Variants in MUC20 observed in about 807,000 individuals in gnomAD.
MUC20 encodes the protein mucin 20, cell surface associated.
A neutral mutation model predicts 23.8 loss-of-function variants in MUC20; 14 were observed. The ratio of observed to expected loss-of-function variants is 0.59; its 90% CI spans 0.39 to 0.92. The LOEUF (loss-of-function observed/expected upper bound fraction) is 0.92, where lower values mean the gene tolerates loss of function less well. MUC20 is among the 40% of genes least tolerant of loss of function. MUC20 has a pLI of 0.00. For synonymous variants in MUC20, 166 were observed against 279.3 expected (o/e 0.59, Z 4.04); for missense variants, 375 against 668.8 (o/e 0.56, Z 4.85).
In MUC20 at chr3:195,731,275, C is replaced by T. The variant is rs183675170; in HGVS notation, c.2061+1536C>T. 6.7e-4 allele frequency among the ~76,000 whole-genome samples: 102 copies of T among 152,376 alleles called. 1 individual carries two copies. The highest frequency in any genetic ancestry group is 2.6e-3 in the Admixed American group (40 of 15,310). On this transcript the variant is annotated intron_variant, in intron 3 of 3. Transcript: ENST00000447234. Reference sequence around the variant, plus strand: ...GGCTCAGGCTTCCTGTCATCCCTTGCAAGGGTAAACCTGGCAGAGATGCTG... The same window carrying T: ...GGCTCAGGCTTCCTGTCATCCCTTGTAAGGGTAAACCTGGCAGAGATGCTG...
At position 195,732,887 on chromosome 3, in the gene MUC20, A is replaced by G. The variant is rs1475549947; in HGVS notation, c.2062-263A>G. 2.0e-5 allele frequency among the ~76,000 whole-genome samples: 3 copies of G among 152,236 alleles called. No homozygotes were observed. In the East Asian group the frequency reaches 5.8e-4, roughly 29 times the overall value. On this transcript the variant is annotated intron_variant, in intron 3 of 3. Transcript: ENST00000447234. ...ATCTGGGTGTGAATTCTAGTTCCCA[A>G]CTGTGTGATCTTGGATAAGTTATTC...
rs976909606 is a variant in MUC20 at position 195,733,157 on chromosome 3, G to A, written c.2069G>A (p.Arg690Gln). 18 of 1,590,444 alleles carry A rather than the reference G, an allele frequency of 1.1e-5. No homozygotes were observed. The highest frequency in any genetic ancestry group is 6.7e-5 in the African/African-American group (5 of 74,584). Residue 690 changes from arginine to glutamine, a missense_variant, in exon 4 of 4, where the codon CGG becomes CAG. By Grantham distance (43) the Arg-to-Gln change is conservative. Around this residue, in one of 4 missense-constraint regions of MUC20, gnomAD observed 343 missense variants for 340.2 expected, o/e 1.01. Coordinates refer to ENST00000447234, the MANE Select transcript of MUC20 (RefSeq NM_001282506.2). The part of the protein sequence containing the change: ...VAERLMQQLH[R>Q]ELHAHAPHFQ... The stretch of plus-strand genomic sequence containing the variant: ...GGCTCTTTTGCTCTCCAGCTCCACC[G>A]GGAACTCCACGCCCACGCGCCTCAC...
Position 195,726,144 on chromosome 3 carries a change from G to A in MUC20, c.1541G>A (p.Gly514Glu). ...ACAGAAAGAGAAGTGACAGCACCCGGGGCCACGACCCTCAGTGGAGCTCTG... is the reference window on the plus strand; with the variant it reads ...ACAGAAAGAGAAGTGACAGCACCCGAGGCCACGACCCTCAGTGGAGCTCTG... ...SATEREVTAP[G>E]ATTLSGALVT... is the part of the protein sequence containing the mutation. The change falls in exon 2 of 4, where the codon GGG (glycine) becomes GAG (glutamate). Residue 514 changes from glycine (G) to glutamate (E), a missense_variant. Gly to Glu is a moderately conservative substitution (Grantham distance 98). Transcript: ENST00000447234. 6.2e-7 allele frequency: 1 copy of A among 1,608,510 alleles called. No individual in the cohort carries two copies. The highest frequency in any genetic ancestry group is 8.5e-7 in the Non-Finnish European group (1 of 1,175,870).
intron 2 of MUC20, 193 bp from the exon 3 acceptor site, chr3:195,729,455 T>A (rs1216763099): frequency 6.8e-6 from 4 of 591,422 alleles, no homozygotes; most frequent in Non-Finnish European, 1.2e-5. Context: ...TAGCTGGGAT[T>A]ACAGGCACGC....
At chr3:195,727,489 T>C (rs1328306208) in intron 2 of MUC20, among the ~76,000 whole-genome samples, 2 of 152,276 alleles carry the variant, frequency 1.3e-5, no homozygotes, top group East Asian at 3.8e-4. Context: ...GGCTGCTTGG[T>C]CAGTCCAGCT....
At chr3:195,728,051 G>A (rs1464953579) in intron 2 of MUC20, among the ~76,000 whole-genome samples, 12 of 152,260 alleles carry the variant, frequency 7.9e-5, no homozygotes, top group African/African-American at 2.4e-4. Context: ...TGGGTAACAC[G>A]ACCCCATCTG....
At chr3:195,731,130 G>A (rs1334467996) in intron 3 of MUC20, among the ~76,000 whole-genome samples, 1 of 152,256 alleles carries the variant, frequency 6.6e-6, no homozygotes, top group African/African-American at 2.4e-5. Flanking sequence ...CAGTGCCCTT[G>A]CTAATACCTG....
intron 2 of MUC20, among the ~76,000 whole-genome samples, chr3:195,726,862 C>G (rs1268307173): frequency 3.9e-5 from 6 of 152,280 alleles, no homozygotes; most frequent in African/African-American, 1.2e-4. Flanking sequence ...CTCTCTGGGC[C>G]TCAGTTTCTC....
chr3:195,729,748 G>A lies in MUC20; in HGVS notation c.2061+9G>A. The A allele has an allele frequency of 1.3e-6, 2 of 1,586,376 alleles. No homozygotes were observed. The highest frequency in any genetic ancestry group is 1.1e-5 in the South Asian group (1 of 86,986). On this transcript the variant is annotated intron_variant, in intron 3 of 3. Transcript: ENST00000447234. ...AAAGGCTGATGCAGCAGGTGAGTGG[G>A]CACTTTCCGGGCCAGGGGAGTAGAG...
rs774006768 is a variant in MUC20, at chr3:195,725,942, A to G, written c.1339A>G (p.Thr447Ala). 6.2e-7 allele frequency: 1 copy of G among 1,613,746 alleles called. No individual in the cohort carries two copies. The highest frequency in any genetic ancestry group is 8.5e-7 in the Non-Finnish European group (1 of 1,179,778). ...GGCCTCAGACACAGATCTCATCCCC[A>G]CGGAAGGGGTGAAGGCCTCGTCCAC... ...PGASDTDLIP[T>A]EGVKASSTSD... The change falls in exon 2 of 4, where the codon ACG (threonine) becomes GCG (alanine). Residue 447 changes from threonine to alanine, a missense_variant. Around this residue, in one of 4 missense-constraint regions of MUC20, gnomAD observed 343 missense variants for 340.2 expected, o/e 1.01. Transcript: ENST00000447234.
chr3:195,728,476 A>G (rs1332689371), intron 2 of MUC20, among the ~76,000 whole-genome samples: 1 of 152,288 alleles, frequency 6.6e-6, no homozygotes, highest in Admixed American at 6.5e-5. Flanking sequence ...AGAGTAAAGA[A>G]TAATAAAGCA....
chr3:195,722,114 T>G (rs1712186740), intron 1 of MUC20: 1 of 441,544 alleles, frequency 2.3e-6, no homozygotes, highest in African/African-American at 2.2e-5. Flanking sequence ...CCCACCAGAG[T>G]GGCACATTTG....
At chr3:195,733,058 C>G in intron 3 of MUC20, 92 bp from the exon 4 acceptor site, 1 of 1,377,294 alleles carries the variant, frequency 7.3e-7, no homozygotes, top group South Asian at 1.3e-5. Context: ...CCTCCGCATG[C>G]ACTCTGCCCC....
At chr3:195,728,863 T>G (rs1377436610) in intron 2 of MUC20, among the ~76,000 whole-genome samples, 2 of 152,012 alleles carry the variant, frequency 1.3e-5, no homozygotes, top group Non-Finnish European at 1.5e-5. Context: ...CTACCAAGTA[T>G]ACTGCTTGTA....
chr3:195,729,314 C>CTTTT (rs10575022), intron 2 of MUC20: 12 of 171,300 alleles, frequency 7.0e-5, no homozygotes, highest in Non-Finnish European at 1.0e-4. Context: ...TCATCCTCCT[C>CTTTT]TTTTTTTTTT....
chr3:195,725,148 GCCC>G lies in MUC20; in HGVS notation c.548_550del (p.Pro183del), dbSNP rs764690643. ...TCAGAGAGCAGCGCCTCTTCCGACAGCCCCCATCCAGTCATCACCCCGTCACGG... is the reference window on the plus strand; with the variant it reads ...TCAGAGAGCAGCGCCTCTTCCGACAGCCATCCAGTCATCACCCCGTCACGG... On this transcript the variant is annotated inframe_deletion, in exon 2 of 4. Transcript: ENST00000447234. 1 of 1,286,988 alleles carries G rather than the reference GCCC, an allele frequency of 7.8e-7. No homozygotes were observed. Among genetic ancestry groups the G allele is most frequent in the African/African-American group, 2.8e-5 (1 of 35,876 alleles). The allele number at this position is 1,286,988 out of a possible 1,614,324, so 79.7% of individuals were successfully genotyped here. A position where few individuals can be genotyped will look rare whatever the true frequency, so the allele number is the denominator to read the frequency against.
chr3:195,726,287 A>C lies in MUC20; in HGVS notation c.1684A>C (p.Lys562Gln), dbSNP rs753381078. ...VSIEAGSAVG[K>Q]TTSFAGSSAS... ...CATAGAGGCTGGGTCAGCAGTGGGC[A>C]AAACAACTTCCTTTGCTGGGAGCTC... The change falls in exon 2 of 4, where the codon AAA (lysine) becomes CAA (glutamine). Residue 562 changes from lysine to glutamine, a missense_variant. By Grantham distance (53) the Lys-to-Gln change is moderately conservative. This residue lies in a region of MUC20 where 343 missense variants were observed against 340.2 expected (regional missense o/e 1.01). Transcript: ENST00000447234. The C allele has an allele frequency of 8.7e-6, 14 of 1,614,076 alleles. No individual in the cohort carries two copies. The highest frequency in any genetic ancestry group is 1.0e-5 in the Non-Finnish European group (12 of 1,179,902).
intron 3 of MUC20, chr3:195,730,129 G>C (rs946690393): frequency 5.5e-6 from 1 of 181,194 alleles, no homozygotes; most frequent in African/African-American, 2.5e-5. Context: ...AAAAGGCAAG[G>C]TCTGAGAAAC....
intron 3 of MUC20, among the ~76,000 whole-genome samples, chr3:195,731,691 T>C (rs1304495051): frequency 6.6e-6 from 1 of 152,262 alleles, no homozygotes; most frequent in Non-Finnish European, 1.5e-5. Context: ...ACTGGACTTT[T>C]TGCTCCAGAG....
Sources: gnomAD v4.1 joint callset for allele counts (sites outside exome capture counted in the v4.1 genomes callset) on GRCh38, gnomAD v4.1.1 for gene constraint, gnomAD v4.1.1 regional missense constraint, MANE v1.5 for transcripts, NCBI Gene and HGNC (gene_info 2026-07-23, HGNC 2026-07-21) for gene names.